Variants in TNFRSF1B observed in about 807,000 individuals in gnomAD.
TNFRSF1B encodes TNF receptor superfamily member 1B, also known as tumor necrosis factor receptor superfamily member 1B.
Under a neutral mutation model 44.6 loss-of-function variants are expected in TNFRSF1B, and 19 were observed. That is an observed-to-expected ratio of 0.43 (90% CI 0.30 to 0.62). The LOEUF is 0.62. TNFRSF1B is among the 20% of genes least tolerant of loss of function. The probability of loss-of-function intolerance (pLI) is 0.16; values close to 1 mark genes in which losing one functional copy is unlikely to be tolerated. For missense variants in TNFRSF1B, 541 were observed against 619.9 expected, an observed-to-expected ratio of 0.87 and a Z score of 1.35; for synonymous variants, 252 against 261.1, an observed-to-expected ratio of 0.97 and a Z score of 0.34.
In TNFRSF1B at chr1:12,199,483, G is replaced by T. The variant is rs1639341771; in HGVS notation, c.901-2484G>T. Among the ~76,000 whole-genome samples the T allele has an allele frequency of 1.3e-5, 2 of 152,232 alleles. No individual in the cohort carries two copies. The highest frequency in any genetic ancestry group is 4.8e-5 in the African/African-American group (2 of 41,462). Reference sequence around the variant, plus strand: ...CAGGATGCACTTTCTCTGGGCCTCCGTGGCCTCTTGGGGATGGCTTGCACG... The same window carrying T: ...CAGGATGCACTTTCTCTGGGCCTCCTTGGCCTCTTGGGGATGGCTTGCACG... On this transcript the variant is annotated intron_variant, in intron 8 of 9. Coordinates refer to ENST00000376259, the MANE Select transcript of TNFRSF1B (RefSeq NM_001066.3). The surrounding 1 kb of genome is among the most constrained non-coding windows in gnomAD (Gnocchi z 4.0).
intron 1 of TNFRSF1B, among the ~76,000 whole-genome samples, chr1:12,167,812 G>A (rs763537386): frequency 6.6e-6 from 1 of 152,178 alleles, no homozygotes; most frequent in African/African-American, 2.4e-5. Flanking sequence ...CTGGGGACAG[G>A]GCAAGCGAGG....
chr1:12,167,221 G>A, intron 1 of TNFRSF1B, 52 bp downstream of exon 1: 1 of 1,215,320 alleles, frequency 8.2e-7, no homozygotes, highest in Non-Finnish European at 1.0e-6. Flanking sequence ...TGTCCACCCG[G>A]CTGGTGCGCA....
chr1:12,194,986 A>G (rs139108455), intron 8 of TNFRSF1B, among the ~76,000 whole-genome samples: 1 of 152,218 alleles, frequency 6.6e-6, no homozygotes, highest in Non-Finnish European at 1.5e-5. Context: ...TCAGCTGACA[A>G]TGATGTTTCT....
chr1:12,201,005 C>T (rs977134005), intron 8 of TNFRSF1B, among the ~76,000 whole-genome samples: 1 of 152,074 alleles, frequency 6.6e-6, no homozygotes, highest in Non-Finnish European at 1.5e-5. Flanking sequence ...GGTATCCCAG[C>T]ACTTTGGGAG....
chr1:12,206,882 G>A lies in TNFRSF1B; in HGVS notation c.1248G>A (p.Pro416=), dbSNP rs750229037. 22 of 1,614,094 alleles carry A rather than the reference G, an allele frequency of 1.4e-5. No individual in the cohort carries two copies. Among genetic ancestry groups the A allele is most frequent in the East Asian group, 4.5e-5 (2 of 44,894 alleles). Residue 416 remains proline (P), a synonymous_variant, in exon 10 of 10, where the codon CCG becomes CCA. Coordinates refer to ENST00000376259, the MANE Select transcript of TNFRSF1B (RefSeq NM_001066.3). Reference sequence around the variant, plus strand: ...CAGATTCCAGCCCCTCGGAGTCCCCGAAGGACGAGCAGGTCCCCTTCTCCA... The same window carrying A: ...CAGATTCCAGCCCCTCGGAGTCCCCAAAGGACGAGCAGGTCCCCTTCTCCA... ...GDTDSSPSES[P]KDEQVPFSKE...
At chr1:12,192,358 G>T in intron 4 of TNFRSF1B, 73 bp from the exon 5 acceptor site, 1 of 1,434,810 alleles carries the variant, frequency 7.0e-7, no homozygotes, top group Non-Finnish European at 9.8e-7. Flanking sequence ...ACCTCTCCTA[G>T]GGCTCTAGTG....
chr1:12,201,529 G>A (rs1639390301), intron 8 of TNFRSF1B, among the ~76,000 whole-genome samples: 2 of 151,642 alleles, frequency 1.3e-5, no homozygotes, highest in African/African-American at 2.4e-5. Context: ...CACACAGCAA[G>A]TGAGTGGTAG....
At chr1:12,201,844 A>G (rs1218486330) in intron 8 of TNFRSF1B, 123 bp from the exon 9 acceptor site, 1 of 1,352,244 alleles carries the variant, frequency 7.4e-7, no homozygotes, top group Non-Finnish European at 9.9e-7. Context: ...GGGTGGGCAG[A>G]AACGTCACGT....
At chr1:12,167,931 C>T (rs987451346) in intron 1 of TNFRSF1B, among the ~76,000 whole-genome samples, 1 of 152,214 alleles carries the variant, frequency 6.6e-6, no homozygotes, top group African/African-American at 2.4e-5. Flanking sequence ...GTCACTCCCA[C>T]AGTAGCAACG....
chr1:12,183,656 TTATCTATCTATCTATCTATCTATC>T (rs76161807), intron 1 of TNFRSF1B, among the ~76,000 whole-genome samples: 10 of 125,334 alleles, frequency 8.0e-5, no homozygotes, highest in African/African-American at 3.1e-4. Flanking sequence ...TTTATCTATT[TTATCTATCTATCTATCTATCTATC>T]TATCTATCTA....
chr1:12,193,490 A>G (rs1639197051), intron 6 of TNFRSF1B, among the ~76,000 whole-genome samples: 1 of 152,214 alleles, frequency 6.6e-6, no homozygotes, highest in South Asian at 2.1e-4. Flanking sequence ...GGAGGATCAC[A>G]TGAGCCCAGG....
Position 12,207,236 on chromosome 1 carries a change from G to A in TNFRSF1B, c.*216G>A, listed in dbSNP as rs531722591. The A allele has an allele frequency of 2.2e-4, 102 of 454,516 alleles. No homozygotes were observed. The highest frequency in any genetic ancestry group is 1.7e-3 in the African/African-American group (86 of 50,282). 28.2% of individuals were successfully genotyped at this position (454,516 alleles called of 1,614,324 possible). On this transcript the variant is annotated 3_prime_UTR_variant, in exon 10 of 10. Coordinates refer to ENST00000376259, the MANE Select transcript of TNFRSF1B (RefSeq NM_001066.3). Reference sequence around the variant, plus strand: ...TGTGGAAAGCCTCTGCTGCCATGGCGTGTCCCTCTCGGAAGGCTGGCTGGG... The same window carrying A: ...TGTGGAAAGCCTCTGCTGCCATGGCATGTCCCTCTCGGAAGGCTGGCTGGG...
intron 8 of TNFRSF1B, among the ~76,000 whole-genome samples, chr1:12,200,214 G>T (rs1639355766): frequency 6.6e-6 from 1 of 152,080 alleles, no homozygotes; most frequent in Non-Finnish European, 1.5e-5. Flanking sequence ...TGTCTGGAGG[G>T]ATGTAGGTAC....
chr1:12,177,044 C>G lies in TNFRSF1B; in HGVS notation c.78+9875C>G, dbSNP rs1017550053. On this transcript the variant is annotated intron_variant, in intron 1 of 9. Transcript: ENST00000376259. This position sits in a 1 kb window ranked among gnomAD's most constrained non-coding sequence, Gnocchi z 4.3. The stretch of plus-strand genomic sequence containing the variant: ...TGAGATGGAGTCTTGCTCTTGTTGC[C>G]TAGGCTGGAGTGCAGTGGTGTGATC... 6.6e-6 allele frequency among the ~76,000 whole-genome samples: 1 copy of G among 152,128 alleles called. No individual in the cohort carries two copies. The highest frequency in any genetic ancestry group is 1.5e-5 in the Non-Finnish European group (1 of 68,002).
chr1:12,172,484 C>G, intron 1 of TNFRSF1B, among the ~76,000 whole-genome samples: 1 of 152,248 alleles, frequency 6.6e-6, no homozygotes, highest in East Asian at 1.9e-4. Flanking sequence ...CTTTGCAGGT[C>G]TGACCCGACT....
rs752870956 is a variant in TNFRSF1B, at chr1:12,177,961, T to G, written c.78+10792T>G. On this transcript the variant is annotated intron_variant, in intron 1 of 9. Transcript: ENST00000376259. The surrounding 1 kb of genome is among the most constrained non-coding windows in gnomAD (Gnocchi z 4.3). ...GAAGAGGCCTTTGAAGCACAGAGAT[T>G]AACTGACGTACTTAGGGTTTTGCAG... 1.1e-4 allele frequency among the ~76,000 whole-genome samples: 16 copies of G among 152,128 alleles called. No homozygotes were observed. Among genetic ancestry groups the G allele is most frequent in the Non-Finnish European group, 1.8e-4 (12 of 68,022 alleles).
intron 9 of TNFRSF1B, among the ~76,000 whole-genome samples, chr1:12,206,139 G>A (rs1639497102): frequency 6.6e-6 from 1 of 152,148 alleles, no homozygotes; most frequent in Non-Finnish European, 1.5e-5. Context: ...TGTAATCTCA[G>A]CGCTTTGCGA....
At chr1:12,189,336 C>G (rs1639059378) in intron 2 of TNFRSF1B, among the ~76,000 whole-genome samples, 1 of 152,220 alleles carries the variant, frequency 6.6e-6, no homozygotes, top group Admixed American at 6.5e-5. Flanking sequence ...GGGATTATAG[C>G]CCGGTCCTGC....
chr1:12,172,749 T>C (rs496888), intron 1 of TNFRSF1B, among the ~76,000 whole-genome samples: 47,964 of 152,158 alleles, frequency 0.32, 7,827 homozygotes, highest in Admixed American at 0.44. Flanking sequence ...CTTAGGACAC[T>C]GTATTGTGGC....
Sources: allele counts gnomAD v4.1 joint callset (sites outside exome capture counted in the v4.1 genomes callset), GRCh38; gene constraint gnomAD v4.1.1; non-coding constraint Gnocchi (gnomAD v3.1); transcripts MANE v1.5; gene names NCBI Gene and HGNC (gene_info 2026-07-23, HGNC 2026-07-21).